Variants in RERE observed in about 807,000 individuals in gnomAD.
The protein encoded by RERE is arginine-glutamic acid dipeptide repeats.
A neutral mutation model predicts 146.1 loss-of-function variants in RERE; 40 were observed. That is an observed-to-expected ratio of 0.27 (90% CI 0.21 to 0.36). The LOEUF is 0.36. Ranked by LOEUF, RERE falls within the 10% of genes least tolerant of loss-of-function variation. The pLI is 1.00. For synonymous variants in RERE, 1,003 were observed against 866.0 expected (o/e 1.16, Z -2.78); for missense variants, 1,933 against 2,138.7 (o/e 0.90, Z 1.90).
intron 10 of RERE, among the ~76,000 whole-genome samples, chr1:8,477,462 A>G (rs1644771242): frequency 6.6e-6 from 1 of 152,214 alleles, no homozygotes; most frequent in South Asian, 2.1e-4. Context: ...GGAAACTAAA[A>G]TATGTTTTCA....
intron 11 of RERE, among the ~76,000 whole-genome samples, chr1:8,457,399 G>A (rs754704866): frequency 6.6e-6 from 1 of 152,070 alleles, no homozygotes; most frequent in African/African-American, 2.4e-5. Context: ...AAGGTACTTC[G>A]GAAAAATGTC....
chr1:8,565,012 T>C (rs1181552840), intron 4 of RERE, among the ~76,000 whole-genome samples: 1 of 152,086 alleles, frequency 6.6e-6, no homozygotes, highest in Non-Finnish European at 1.5e-5. Flanking sequence ...GCTTATTACA[T>C]GTGGACTCAA....
At chr1:8,558,150 A>G (rs1291042690) in intron 4 of RERE, among the ~76,000 whole-genome samples, 2 of 152,244 alleles carry the variant, frequency 1.3e-5, no homozygotes, top group South Asian at 2.1e-4. Flanking sequence ...ATCTCCAGAT[A>G]ATAGAACATC....
chr1:8,583,798 C>A (rs1646395858), intron 4 of RERE, among the ~76,000 whole-genome samples: 1 of 151,784 alleles, frequency 6.6e-6, no homozygotes, highest in African/African-American at 2.4e-5. Context: ...TTTAACACTG[C>A]ATAAAAACAA....
intron 12 of RERE, among the ~76,000 whole-genome samples, chr1:8,374,331 C>T (rs1334029247): frequency 6.6e-6 from 1 of 152,116 alleles, no homozygotes; most frequent in Non-Finnish European, 1.5e-5. Flanking sequence ...CTTACCCAGG[C>T]ACCTTTTTAT....
intron 12 of RERE, among the ~76,000 whole-genome samples, chr1:8,388,485 A>G (rs564516468): frequency 6.7e-6 from 1 of 150,332 alleles, no homozygotes; most frequent in African/African-American, 2.5e-5. Flanking sequence ...GCGCCCGGCT[A>G]ATTTTTTGTA....
chr1:8,352,660 G>C lies in RERE; in HGVS notation c.*2427C>G, dbSNP rs985236890. 5.9e-5 allele frequency: 9 copies of C among 152,330 alleles called. No individual in the cohort carries two copies. Among genetic ancestry groups the C allele is most frequent in the African/African-American group, 1.2e-4 (5 of 41,446 alleles). 9.4% of individuals were successfully genotyped at this position (152,330 alleles called of 1,614,324 possible). On this transcript the variant is annotated 3_prime_UTR_variant, in exon 23 of 23. Transcript: ENST00000400908. ...ACCGAACAAGATACGGACACACACA[G>C]AGGAGCCAAACCAAACCCCGAACAA...
chr1:8,651,912 C>A (rs1412256521), intron 2 of RERE, among the ~76,000 whole-genome samples: 1 of 152,072 alleles, frequency 6.6e-6, no homozygotes, highest in Admixed American at 6.5e-5. Flanking sequence ...AACTCCTGGC[C>A]TCAAGTGATC....
chr1:8,580,099 C>T (rs1646345591), intron 4 of RERE, among the ~76,000 whole-genome samples: 1 of 152,208 alleles, frequency 6.6e-6, no homozygotes, highest in Non-Finnish European at 1.5e-5. Flanking sequence ...AATTAACTGA[C>T]ATTATAGACA....
At chr1:8,744,337 G>C (rs1640376630) in intron 1 of RERE, among the ~76,000 whole-genome samples, 2 of 152,208 alleles carry the variant, frequency 1.3e-5, no homozygotes, top group Admixed American at 1.3e-4. Context: ...TATGTGGGTA[G>C]TAACGATTTA....
intron 4 of RERE, among the ~76,000 whole-genome samples, chr1:8,579,217 T>C (rs979717477): frequency 6.6e-6 from 1 of 152,094 alleles, no homozygotes; most frequent in Non-Finnish European, 1.5e-5. Flanking sequence ...TACCATCACA[T>C]GATGATCTTT....
intron 11 of RERE, among the ~76,000 whole-genome samples, chr1:8,452,693 T>C (rs1342484729): frequency 6.6e-6 from 1 of 152,212 alleles, no homozygotes; most frequent in Non-Finnish European, 1.5e-5. Flanking sequence ...AGCAGAGCCC[T>C]GCACACAAGA....
At chr1:8,649,931 T>C (rs555057695) in intron 2 of RERE, among the ~76,000 whole-genome samples, 54 of 152,062 alleles carry the variant, frequency 3.6e-4, no homozygotes, top group Middle Eastern at 3.2e-3. Flanking sequence ...ATAACAGTAT[T>C]TATTAAGGAA....
intron 4 of RERE, among the ~76,000 whole-genome samples, chr1:8,579,875 A>G (rs1026664611): frequency 1.3e-5 from 2 of 152,182 alleles, no homozygotes; most frequent in African/African-American, 2.4e-5. Context: ...GTGGTGGCGC[A>G]TGCCTGTAAT....
rs574170717 is a variant in RERE at position 8,591,426 on chromosome 1, T to G, written c.522+23135A>C. ...AAATGGCCATCAGCACTCTTTTTGCTTTAAAAAAAAAAAAAAGAAAAGAAA... is the reference window on the plus strand; with the variant it reads ...AAATGGCCATCAGCACTCTTTTTGCGTTAAAAAAAAAAAAAAGAAAAGAAA... On this transcript the variant is annotated intron_variant, in intron 4 of 22. Coordinates refer to ENST00000400908, the MANE Select transcript of RERE (RefSeq NM_001042681.2). Among the ~76,000 whole-genome samples, 76 of 138,468 alleles carry G rather than the reference T, an allele frequency of 5.5e-4. 1 individual carries two copies. Among genetic ancestry groups the G allele is most frequent in the African/African-American group, 1.9e-3 (76 of 40,594 alleles). The allele number at this position is 138,468 out of a possible 152,430, so 90.8% of individuals were successfully genotyped here.
chr1:8,509,546 A>G (rs527906714), intron 7 of RERE, among the ~76,000 whole-genome samples: 2 of 152,242 alleles, frequency 1.3e-5, no homozygotes, highest in Admixed American at 1.3e-4. Context: ...AGAGGCTCAC[A>G]CCTGTAATTC....
chr1:8,652,731 C>G (rs555625970), intron 2 of RERE, among the ~76,000 whole-genome samples: 1 of 152,208 alleles, frequency 6.6e-6, no homozygotes, highest in African/African-American at 2.4e-5. Context: ...ATGGCGGAAA[C>G]TGCCCCCATG....
At chr1:8,812,012 C>A (rs1390207528) in intron 1 of RERE, among the ~76,000 whole-genome samples, 1 of 152,156 alleles carries the variant, frequency 6.6e-6, no homozygotes, top group Non-Finnish European at 1.5e-5. Flanking sequence ...CACTGCAGAC[C>A]TGGGGTTTTT....
intron 6 of RERE, among the ~76,000 whole-genome samples, chr1:8,555,598 T>C (rs1028392372): frequency 6.6e-6 from 1 of 152,162 alleles, no homozygotes; most frequent in African/African-American, 2.4e-5. Flanking sequence ...TAAAACCATA[T>C]TACAGTACTT....
Sources: allele counts gnomAD v4.1 joint callset (sites outside exome capture counted in the v4.1 genomes callset), GRCh38; gene constraint gnomAD v4.1.1; transcripts MANE v1.5; gene names NCBI Gene and HGNC (gene_info 2026-07-23, HGNC 2026-07-21).